PRR5L: variants seen among roughly 807,000 people sequenced by gnomAD.
PRR5L encodes the protein proline-rich protein 5-like.
PRR5L carries 21 observed loss-of-function variants against 36.4 expected under a neutral mutation model. The ratio of observed to expected loss-of-function variants is 0.58; its 90% CI spans 0.41 to 0.83. The LOEUF is 0.83. Ranked by LOEUF, PRR5L falls within the 40% of genes least tolerant of loss-of-function variation. The probability of loss-of-function intolerance (pLI) is 0.00; values close to 1 mark genes in which losing one functional copy is unlikely to be tolerated. For missense variants in PRR5L, 381 were observed against 473.3 expected (o/e 0.80, Z 1.81); for synonymous variants, 188 against 197.0 (o/e 0.95, Z 0.38).
chr11:36,407,113 TA>T (rs1339492112), intron 3 of PRR5L, among the ~76,000 whole-genome samples: 1 of 152,140 alleles, frequency 6.6e-6, no homozygotes, highest in Non-Finnish European at 1.5e-5. Context: ...AGTTAAGAAA[TA>T]GTAAAGTGAT....
At chr11:36,376,279 C>G (rs1590500926) in intron 1 of PRR5L, 1 of 1,106,866 alleles carries the variant, frequency 9.0e-7, no homozygotes, top group Non-Finnish European at 1.1e-6. Context: ...GCTAGGTGCC[C>G]GGGACAGGAA....
intron 6 of PRR5L, among the ~76,000 whole-genome samples, chr11:36,438,215 A>G (rs766863764): frequency 6.6e-6 from 1 of 152,168 alleles, no homozygotes; most frequent in African/African-American, 2.4e-5. Flanking sequence ...AGGGAGGTTG[A>G]CCCATAGATG....
chr11:36,393,436 C>G (rs1334334542), intron 1 of PRR5L, among the ~76,000 whole-genome samples: 1 of 152,178 alleles, frequency 6.6e-6, no homozygotes, highest in Admixed American at 6.5e-5. Flanking sequence ...AAGAGACTGT[C>G]CTTTCCTCAG....
chr11:36,446,487 G>T, intron 7 of PRR5L, 47 bp downstream of exon 7: 6 of 1,604,952 alleles, frequency 3.7e-6, no homozygotes, highest in Non-Finnish European at 5.1e-6. Flanking sequence ...GAGGGAGCGA[G>T]GGAAGAGATT....
At chr11:36,424,208 T>A (rs1004584730) in intron 4 of PRR5L, among the ~76,000 whole-genome samples, 2 of 152,146 alleles carry the variant, frequency 1.3e-5, no homozygotes, top group African/African-American at 2.4e-5. Flanking sequence ...TTATTGCACA[T>A]CAGTTGTGGA....
At chr11:36,369,685 C>T (rs1857178961) in intron 1 of PRR5L, among the ~76,000 whole-genome samples, 1 of 152,132 alleles carries the variant, frequency 6.6e-6, no homozygotes, top group Admixed American at 6.5e-5. Flanking sequence ...ACCTCTGCCT[C>T]CCAGGTTCAA....
At chr11:36,422,193 T>C (rs552033554) in intron 4 of PRR5L, among the ~76,000 whole-genome samples, 1 of 152,308 alleles carries the variant, frequency 6.6e-6, no homozygotes, top group East Asian at 1.9e-4. Context: ...TTTCAAACCA[T>C]TCACTTTACA....
chr11:36,400,349 A>T lies in PRR5L; in HGVS notation c.-125-648A>T, dbSNP rs190745937. ...TTATTGCATGAGTGAATACTTGAAA[A>T]GACTGTTATCTTCTCCATAGGCTGA... On this transcript the variant is annotated intron_variant, in intron 1 of 8. Coordinates refer to ENST00000530639, the MANE Select transcript of PRR5L (RefSeq NM_001160167.2). Among the ~76,000 whole-genome samples, 458 of 152,300 alleles carry T rather than the reference A, an allele frequency of 3.0e-3. 1 individual carries two copies. Among genetic ancestry groups the T allele is most frequent in the Non-Finnish European group, 4.7e-3 (320 of 68,032 alleles).
At chr11:36,451,357 T>C in intron 8 of PRR5L, 22 bp downstream of exon 8, 1 of 1,613,510 alleles carries the variant, frequency 6.2e-7, no homozygotes, top group Non-Finnish European at 8.5e-7. Flanking sequence ...AGCTCTCAAG[T>C]TGTCAAGAGG....
chr11:36,308,708 C>T (rs748891262), intron 1 of PRR5L, among the ~76,000 whole-genome samples: 2 of 152,234 alleles, frequency 1.3e-5, no homozygotes, highest in Non-Finnish European at 2.9e-5. Context: ...CAGTACACTT[C>T]CTGAGTCACT....
intron 1 of PRR5L, among the ~76,000 whole-genome samples, chr11:36,311,798 G>T (rs1856506045): frequency 6.6e-6 from 1 of 152,156 alleles, no homozygotes; most frequent in African/African-American, 2.4e-5. Context: ...CTGAGCTCTA[G>T]CCAATTGAGG....
intron 1 of PRR5L, among the ~76,000 whole-genome samples, chr11:36,360,075 CCACACA>C (rs34673599): frequency 4.7e-5 from 7 of 148,220 alleles, no homozygotes; most frequent in East Asian, 4.0e-4. Flanking sequence ...ACACACACAC[CCACACA>C]CACACACACA....
chr11:36,345,086 G>A (rs1359410426), intron 1 of PRR5L, among the ~76,000 whole-genome samples: 1 of 152,150 alleles, frequency 6.6e-6, no homozygotes, highest in Non-Finnish European at 1.5e-5. Flanking sequence ...TAGGAAGGGA[G>A]GTCAGGGTGA....
At chr11:36,303,744 A>G (rs569009752) in intron 1 of PRR5L, among the ~76,000 whole-genome samples, 2 of 152,198 alleles carry the variant, frequency 1.3e-5, no homozygotes, top group Non-Finnish European at 2.9e-5. Context: ...GCCTCTTCAG[A>G]GGGCTTAACT....
At chr11:36,375,242 A>G (rs1857242300) in intron 1 of PRR5L, among the ~76,000 whole-genome samples, 1 of 152,050 alleles carries the variant, frequency 6.6e-6, no homozygotes, top group East Asian at 1.9e-4. Flanking sequence ...CTCAAAAAAA[A>G]AAAAAAAGAT....
chr11:36,431,380 CA>C (rs1270295067), intron 4 of PRR5L, among the ~76,000 whole-genome samples: 3 of 152,208 alleles, frequency 2.0e-5, no homozygotes, highest in African/African-American at 7.2e-5. Flanking sequence ...CATTCATTGA[CA>C]GATGCATATT....
At chr11:36,351,521 T>TTATATAAATATATATTTA (rs1856956764) in intron 1 of PRR5L, among the ~76,000 whole-genome samples, 1 of 24,484 alleles carries the variant, frequency 4.1e-5, no homozygotes, top group Non-Finnish European at 5.7e-5. Context: ...TTATATATAT[T>TTATATAAATATATATTTA]TATATATTTA....
intron 1 of PRR5L, among the ~76,000 whole-genome samples, chr11:36,313,682 A>T (rs1856527021): frequency 6.6e-6 from 1 of 152,188 alleles, no homozygotes; most frequent in African/African-American, 2.4e-5. Context: ...CCTCAAATTA[A>T]GGTTCCAGAA....
intron 1 of PRR5L, among the ~76,000 whole-genome samples, chr11:36,306,813 T>C (rs1449527881): frequency 6.6e-6 from 1 of 152,182 alleles, no homozygotes; most frequent in Non-Finnish European, 1.5e-5. Flanking sequence ...CATTGGGTAA[T>C]GGGATCAGGT....
Sources: allele counts gnomAD v4.1 joint callset (sites outside exome capture counted in the v4.1 genomes callset), GRCh38; gene constraint gnomAD v4.1.1; transcripts MANE v1.5; gene names NCBI Gene and HGNC (gene_info 2026-07-23, HGNC 2026-07-21).